The following RBM25 variants were observed in gnomAD, a reference collection of about 807,000 sequenced individuals.
RBM25 encodes the protein RNA binding motif protein 25.
RBM25 carries 19 observed loss-of-function variants against 120.7 expected under a neutral mutation model. The ratio of observed to expected loss-of-function variants is 0.16; its 90% CI spans 0.11 to 0.23. RBM25 has a LOEUF of 0.23. Ranked by LOEUF, RBM25 falls within the 10% of genes least tolerant of loss-of-function variation. The pLI, the probability that RBM25 is intolerant of heterozygous loss-of-function variation, is 1.00. For synonymous variants in RBM25, 390 were observed against 326.7 expected (o/e 1.19, Z -2.09); for missense variants, 605 against 1,041.5 (o/e 0.58, Z 5.77).
In RBM25 at chr14:73,122,879, T is replaced by C. The variant is rs930840934; in HGVS notation, c.*3074T>C. The C allele has an allele frequency of 3.3e-5, 5 of 152,228 alleles. No homozygotes were observed. Among genetic ancestry groups the C allele is most frequent in the African/African-American group, 9.7e-5 (4 of 41,448 alleles). 9.4% of individuals were successfully genotyped at this position (152,228 alleles called of 1,614,324 possible). A position where few individuals can be genotyped will look rare whatever the true frequency, so the allele number is the denominator to read the frequency against. ...ATTTTGATTAGCACTTTAAGGTGTC[T>C]ATTCAGTATTATTTTATCCTAACAG... On this transcript the variant is annotated 3_prime_UTR_variant, in exon 19 of 19. Coordinates refer to ENST00000261973, the MANE Select transcript of RBM25 (RefSeq NM_021239.3).
chr14:73,092,328 A>G (rs1055376198), intron 6 of RBM25, among the ~76,000 whole-genome samples: 1 of 152,054 alleles, frequency 6.6e-6, no homozygotes, highest in Non-Finnish European at 1.5e-5. Flanking sequence ...TTCAGTATAA[A>G]AATATGACAT....
chr14:73,105,900 G>C lies in RBM25; in HGVS notation c.1196G>C (p.Arg399Thr). 1 of 893,078 alleles carries C rather than the reference G, an allele frequency of 1.1e-6. No homozygotes were observed. Among genetic ancestry groups the C allele is most frequent in the Non-Finnish European group, 1.5e-6 (1 of 666,374 alleles). The allele number at this position is 893,078 out of a possible 1,614,324, so 55.3% of individuals were successfully genotyped here. Residue 399 changes from arginine (R) to threonine (T), a missense_variant, in exon 11 of 19, where the codon AGA becomes ACA. Physicochemically the swap from Arg to Thr is moderately conservative, Grantham distance 71 (BLOSUM62 -1). This residue lies in a region of RBM25 where 465 missense variants were observed against 741.6 expected (regional missense o/e 0.63). Coordinates refer to ENST00000261973, the MANE Select transcript of RBM25 (RefSeq NM_021239.3). ...RDRERERERE[R>T]ERERERERER... is the part of the protein sequence containing the mutation. ...CGTGAAAGGGAACGAGAGCGGGAAA[G>C]AGAGAGAGAGAGAGAACGAGAGCGA...
chr14:73,112,639 A>G (rs1217515946), intron 17 of RBM25, among the ~76,000 whole-genome samples: 3 of 152,224 alleles, frequency 2.0e-5, no homozygotes, highest in East Asian at 1.9e-4. Flanking sequence ...GACGTAGCCA[A>G]TATCTTTTCC....
chr14:73,078,149 A>G (rs934983350), intron 4 of RBM25, among the ~76,000 whole-genome samples: 66 of 152,188 alleles, frequency 4.3e-4, no homozygotes, highest in African/African-American at 1.5e-3. Flanking sequence ...CAAAAAATAC[A>G]AAAATTAGCC....
intron 18 of RBM25, among the ~76,000 whole-genome samples, chr14:73,115,977 G>A (rs568878327): frequency 3.9e-5 from 6 of 152,276 alleles, no homozygotes; most frequent in East Asian, 1.9e-4. Flanking sequence ...AGTTGCCAGA[G>A]CACTCATTTA....
intron 2 of RBM25, among the ~76,000 whole-genome samples, chr14:73,075,818 T>G (rs1017243231): frequency 1.3e-5 from 2 of 151,806 alleles, no homozygotes; most frequent in African/African-American, 4.8e-5. Context: ...TTTTTTTTTT[T>G]CCTTTTTGTG....
At chr14:73,070,656 T>A (rs1480630292) in intron 1 of RBM25, among the ~76,000 whole-genome samples, 2 of 151,944 alleles carry the variant, frequency 1.3e-5, no homozygotes, top group African/African-American at 2.4e-5. Context: ...CTGATAGATA[T>A]AAGAAAAATG....
intron 2 of RBM25, 36 bp from the exon 3 acceptor site, chr14:73,076,283 A>G: frequency 6.5e-7 from 1 of 1,539,686 alleles, no homozygotes; most frequent in Non-Finnish European, 9.0e-7. Flanking sequence ...TAGAGAATGC[A>G]GTCATGTAAA....
Position 73,122,317 on chromosome 14 carries a change from C to T in RBM25, c.*2512C>T, listed in dbSNP as rs1214468674. ...TGAGAGGAAGTTGTGCTTTTGTCGC[C>T]CAGGATGGAGTGCAATGGCGCGAGC... On this transcript the variant is annotated 3_prime_UTR_variant, in exon 19 of 19. Transcript: ENST00000261973. 2 of 151,004 alleles carry T rather than the reference C, an allele frequency of 1.3e-5. No individual in the cohort carries two copies. The highest frequency in any genetic ancestry group is 4.9e-5 in the African/African-American group (2 of 41,142). 9.4% of individuals were successfully genotyped at this position (151,004 alleles called of 1,614,324 possible). A position where few individuals can be genotyped will look rare whatever the true frequency, so the allele number is the denominator to read the frequency against.
intron 1 of RBM25, among the ~76,000 whole-genome samples, chr14:73,068,993 C>G (rs1895210960): frequency 6.6e-6 from 1 of 152,106 alleles, no homozygotes; most frequent in Admixed American, 6.5e-5. Context: ...AAACTCCGCA[C>G]CCTGGGTTCA....
rs1248950254 is a variant in RBM25 at position 73,123,401 on chromosome 14, G to C, written c.*3596G>C. The C allele has an allele frequency of 1.3e-5, 2 of 152,216 alleles. No homozygotes were observed. The highest frequency in any genetic ancestry group is 4.8e-5 in the African/African-American group (2 of 41,526). 9.4% of individuals were successfully genotyped at this position (152,216 alleles called of 1,614,324 possible). On this transcript the variant is annotated 3_prime_UTR_variant, in exon 19 of 19. Transcript: ENST00000261973. Reference sequence around the variant, plus strand: ...ATTTATACCCAAAAGACTGCTGAGAGGTTTTATGTCAAATTGATTACAAAC... The same window carrying C: ...ATTTATACCCAAAAGACTGCTGAGACGTTTTATGTCAAATTGATTACAAAC...
At position 73,102,885 on chromosome 14, in the gene RBM25, C is replaced by T. The variant is rs74062641; in HGVS notation, c.868-307C>T. ...ATGATCGTATTCATAGAAAATATTTCGAACCACCACATTCTTCATGGTCAT... is the reference window on the plus strand; with the variant it reads ...ATGATCGTATTCATAGAAAATATTTTGAACCACCACATTCTTCATGGTCAT... On this transcript the variant is annotated intron_variant, in intron 9 of 18. Coordinates refer to ENST00000261973, the MANE Select transcript of RBM25 (RefSeq NM_021239.3). 5.2e-3 allele frequency: 1,397 copies of T among 266,444 alleles called. 23 individuals carry two copies. Among genetic ancestry groups the T allele is most frequent in the African/African-American group, 0.029 (1,312 of 45,202 alleles). The allele number at this position is 266,444 out of a possible 1,614,324, so 16.5% of individuals were successfully genotyped here.
Position 73,122,945 on chromosome 14 carries a change from A to G in RBM25, c.*3140A>G, listed in dbSNP as rs1208354541. 1 of 152,206 alleles carries G rather than the reference A, an allele frequency of 6.6e-6. No individual in the cohort carries two copies. Among genetic ancestry groups the G allele is most frequent in the Non-Finnish European group, 1.5e-5 (1 of 68,026 alleles). The allele number at this position is 152,206 out of a possible 1,614,324, so 9.4% of individuals were successfully genotyped here. On this transcript the variant is annotated 3_prime_UTR_variant, in exon 19 of 19. Transcript: ENST00000261973. ...CTGAATTTTCCTTTAAGTAGATTTT[A>G]AAGAGAAAAACATTTTTTGAGGCAA...
At chr14:73,083,673 T>G (rs1895616658) in intron 5 of RBM25, 122 bp downstream of exon 5, 1 of 597,152 alleles carries the variant, frequency 1.7e-6, no homozygotes, top group Non-Finnish European at 2.6e-6. Context: ...GCACTCTTTG[T>G]CCTCTTTTTT....
Position 73,107,909 on chromosome 14 carries a change from G to T in RBM25, c.1541+10G>T, listed in dbSNP as rs755925997. 1 of 1,562,010 alleles carries T rather than the reference G, an allele frequency of 6.4e-7. No individual in the cohort carries two copies. Among genetic ancestry groups the T allele is most frequent in the Non-Finnish European group, 8.7e-7 (1 of 1,143,992 alleles). ...ACCCCAAATATTACAGGTAAAGAAG[G>T]CTTGTTCTGTGGATTCATACTTGGT... is the stretch of plus-strand genomic sequence containing the variant. On this transcript the variant is annotated intron_variant, in intron 13 of 18. Coordinates refer to ENST00000261973, the MANE Select transcript of RBM25 (RefSeq NM_021239.3).
intron 1 of RBM25, among the ~76,000 whole-genome samples, chr14:73,064,708 A>T (rs1419336001): frequency 6.6e-6 from 1 of 151,132 alleles, no homozygotes; most frequent in Non-Finnish European, 1.5e-5. Context: ...CAGTTATCTT[A>T]AAGGAATATC....
At chr14:73,070,442 TA>T (rs35955411) in intron 1 of RBM25, among the ~76,000 whole-genome samples, 150,687 of 151,040 alleles carry the variant, frequency 1, 75,170 homozygotes, top group Middle Eastern at 1. Context: ...CTTTTAAGTT[TA>T]AAAAAAAAAA....
At chr14:73,083,630 T>G (rs1343923951) in intron 5 of RBM25, 79 bp downstream of exon 5, 1 of 1,001,998 alleles carries the variant, frequency 1.0e-6, no homozygotes, top group Admixed American at 3.2e-5. Flanking sequence ...GACTTAACTC[T>G]CATTGTCTTT....
intron 14 of RBM25, among the ~76,000 whole-genome samples, chr14:73,109,823 G>A (rs1030670813): frequency 9.9e-5 from 15 of 152,158 alleles, no homozygotes; most frequent in African/African-American, 2.4e-4. Flanking sequence ...TCAGGTACCC[G>A]AGTAGTAGTA....
Sources: gnomAD v4.1 joint callset for allele counts (sites outside exome capture counted in the v4.1 genomes callset) on GRCh38, gnomAD v4.1.1 for gene constraint, gnomAD v4.1.1 regional missense constraint, MANE v1.5 for transcripts, NCBI Gene and HGNC (gene_info 2026-07-23, HGNC 2026-07-21) for gene names.